The following SLC25A48 variants were observed in gnomAD, a reference collection of about 807,000 sequenced individuals.
SLC25A48 encodes solute carrier family 25 member 48.
A neutral mutation model predicts 32.2 loss-of-function variants in SLC25A48; 29 were observed. The observed-to-expected ratio is 0.90, with a 90% CI of 0.67 to 1.23. The LOEUF is 1.23. Among genes scored for constraint, SLC25A48 ranks in the 50% most tolerant of loss-of-function variants. The pLI is 0.00. For synonymous variants in SLC25A48, 164 were observed against 172.3 expected, an observed-to-expected ratio of 0.95 and a Z score of 0.38; for missense variants, 399 against 422.7, an observed-to-expected ratio of 0.94 and a Z score of 0.49.
At chr5:135,595,786 A>C (rs1751635801) in intron 1 of SLC25A48, among the ~76,000 whole-genome samples, 1 of 152,230 alleles carries the variant, frequency 6.6e-6, no homozygotes, top group South Asian at 2.1e-4. Context: ...TGTAAAGCCC[A>C]TGACAGTGAC....
At chr5:135,836,182 G>C (rs1758489690) in intron 1 of SLC25A48, among the ~76,000 whole-genome samples, 1 of 152,164 alleles carries the variant, frequency 6.6e-6, no homozygotes, top group African/African-American at 2.4e-5. Context: ...GGCTGAGTCA[G>C]AGTAGTTCCA....
chr5:135,672,598 C>T (rs1753681587), intron 3 of SLC25A48, among the ~76,000 whole-genome samples: 1 of 152,164 alleles, frequency 6.6e-6, no homozygotes, highest in Non-Finnish European at 1.5e-5. Context: ...AGTGGAGGTT[C>T]ACAGGAAAGT....
intron 3 of SLC25A48, among the ~76,000 whole-genome samples, chr5:135,644,022 T>C (rs1460855672): frequency 1.3e-5 from 2 of 152,210 alleles, no homozygotes; most frequent in African/African-American, 4.8e-5. Context: ...AGAAAATAGA[T>C]ACTTTAATCT....
At chr5:135,638,421 A>C (rs931627619) in intron 3 of SLC25A48, among the ~76,000 whole-genome samples, 1 of 152,154 alleles carries the variant, frequency 6.6e-6, no homozygotes, top group Non-Finnish European at 1.5e-5. Flanking sequence ...GAGGGGAGGC[A>C]GCAGTTCTTC....
At chr5:135,662,163 C>A (rs1307894863) in intron 3 of SLC25A48, among the ~76,000 whole-genome samples, 1 of 152,104 alleles carries the variant, frequency 6.6e-6, no homozygotes, top group East Asian at 1.9e-4. Context: ...GTGCTTGTTT[C>A]AAGTTGCATT....
rs77738581 is a variant in SLC25A48 at position 135,687,521 on chromosome 5, G to T, written c.-521+52565G>T. Among the ~76,000 whole-genome samples the T allele has an allele frequency of 8.2e-3, 1,250 of 152,084 alleles. 19 individuals carry two copies. The highest frequency in any genetic ancestry group is 0.029 in the African/African-American group (1,214 of 41,504). ...TATTGTTATGACTCAAAGCATTTTT[G>T]AAATCTTTTATAATTTCCTTTATGT... On this transcript the variant is annotated intron_variant, in intron 3 of 10. Transcript: ENST00000646290.
intron 4 of SLC25A48, among the ~76,000 whole-genome samples, chr5:135,868,663 C>CACACACACACACAT (rs1295307151): frequency 1.1e-5 from 1 of 87,640 alleles, no homozygotes; most frequent in East Asian, 3.0e-4. Flanking sequence ...TATGTGTATA[C>CACACACACACACAT]ACACACACAC....
rs1222400364 is a variant in SLC25A48, at chr5:135,701,858, CAA to C, written c.-521+66903_-521+66904del. Among the ~76,000 whole-genome samples, 5 of 152,350 alleles carry C rather than the reference CAA, an allele frequency of 3.3e-5. No homozygotes were observed. In the East Asian group the frequency reaches 5.8e-4, roughly 18 times the overall value. ...TGCCAACCTGTCCTCCACATGGAAA[CAA>C]GAGTGATTATTTCCTTCTAAAAAAT... On this transcript the variant is annotated intron_variant, in intron 3 of 10. Coordinates refer to the SLC25A48 transcript ENST00000646290.
intron 3 of SLC25A48, among the ~76,000 whole-genome samples, chr5:135,701,450 A>G (rs1156601319): frequency 6.6e-6 from 1 of 152,164 alleles, no homozygotes; most frequent in Non-Finnish European, 1.5e-5. Context: ...TGGGAGCAGT[A>G]TTTTGAGGAA....
chr5:135,745,997 T>G (rs541126576), intron 3 of SLC25A48, among the ~76,000 whole-genome samples: 71 of 152,294 alleles, frequency 4.7e-4, no homozygotes, highest in African/African-American at 1.6e-3. Flanking sequence ...CTGCACAGGT[T>G]AGTCTTGGCC....
At chr5:135,887,751 C>A (rs1440134505) in intron 7 of SLC25A48, among the ~76,000 whole-genome samples, 1 of 151,114 alleles carries the variant, frequency 6.6e-6, no homozygotes, top group Admixed American at 6.6e-5. Context: ...CCCTTGGGTT[C>A]CAGTTTCACG....
At chr5:135,727,307 T>C (rs967572135) in intron 3 of SLC25A48, among the ~76,000 whole-genome samples, 2 of 151,920 alleles carry the variant, frequency 1.3e-5, no homozygotes, top group African/African-American at 2.4e-5. Flanking sequence ...AGAGTCTAAA[T>C]TCTAGTCTTT....
chr5:135,753,607 CAG>C (rs1471659262), intron 3 of SLC25A48, among the ~76,000 whole-genome samples: 10 of 151,502 alleles, frequency 6.6e-5, no homozygotes, highest in Admixed American at 1.3e-4. Flanking sequence ...CCTGATATAA[CAG>C]GGTGTACACA....
At chr5:135,591,639 G>C (rs551345820) in intron 1 of SLC25A48, among the ~76,000 whole-genome samples, 158 of 152,332 alleles carry the variant, frequency 1.0e-3, no homozygotes, top group African/African-American at 3.6e-3. Flanking sequence ...TGTGGAAGGG[G>C]CTTTGGGTGG....
chr5:135,673,539 AACTTTCTTATT>A (rs1561784873), intron 3 of SLC25A48, among the ~76,000 whole-genome samples: 1 of 151,992 alleles, frequency 6.6e-6, no homozygotes, highest in African/African-American at 2.4e-5. Flanking sequence ...TCTGCTCAAA[AACTTTCTTATT>A]TTTTAAACTG....
chr5:135,731,867 T>A (rs1250154494), intron 3 of SLC25A48, among the ~76,000 whole-genome samples: 1 of 115,496 alleles, frequency 8.7e-6, no homozygotes, highest in Non-Finnish European at 1.8e-5. Context: ...TGTGATGGCC[T>A]GGAGAAACAG....
intron 3 of SLC25A48, among the ~76,000 whole-genome samples, chr5:135,706,500 C>T (rs1160703795): frequency 6.9e-6 from 1 of 143,954 alleles, no homozygotes; most frequent in Non-Finnish European, 1.6e-5. Flanking sequence ...CAGGGTCTAA[C>T]ACATAAGAAA....
chr5:135,812,717 C>T (rs1269764185), exon 4 of SLC25A48: 8 of 152,312 alleles, frequency 5.3e-5, no homozygotes, highest in African/African-American at 1.4e-4. Context: ...GAGATGACTT[C>T]TGGGGCACAG....
chr5:135,783,963 G>T (rs1756778788), intron 3 of SLC25A48, among the ~76,000 whole-genome samples: 1 of 116,862 alleles, frequency 8.6e-6, no homozygotes, highest in Non-Finnish European at 2.1e-5. Flanking sequence ...AATAATCAGG[G>T]GGGAAAAGGA....
Sources: allele counts gnomAD v4.1 joint callset (sites outside exome capture counted in the v4.1 genomes callset), GRCh38; gene constraint gnomAD v4.1.1; transcripts MANE v1.5; gene names NCBI Gene and HGNC (gene_info 2026-07-23, HGNC 2026-07-21).